The following KIAA0232 variants were observed in gnomAD, a reference collection of about 807,000 sequenced individuals.
KIAA0232 encodes the protein uncharacterized protein KIAA0232.
In KIAA0232, 27 loss-of-function variants were observed where a neutral mutation model predicts 122.0. The observed-to-expected ratio is 0.22, with a 90% CI of 0.16 to 0.31. The LOEUF (loss-of-function observed/expected upper bound fraction) is 0.31, where lower values mean the gene tolerates loss of function less well. KIAA0232 is among the 10% of genes least tolerant of loss of function. KIAA0232 has a pLI of 1.00. For missense variants in KIAA0232, 1,551 were observed against 1,634.2 expected (o/e 0.95, Z 0.88); for synonymous variants, 613 against 587.6 (o/e 1.04, Z -0.63).
chr4:6,811,838 A>T (rs974645913), intron 2 of KIAA0232, among the ~76,000 whole-genome samples: 1 of 129,734 alleles, frequency 7.7e-6, no homozygotes, highest in African/African-American at 3.0e-5. Context: ...AATCTACCCT[A>T]TTTTAACCTT....
chr4:6,786,018 G>A (rs1716604644), intron 1 of KIAA0232, among the ~76,000 whole-genome samples: 2 of 152,098 alleles, frequency 1.3e-5, no homozygotes, highest in African/African-American at 4.8e-5. Flanking sequence ...CTATTACAAT[G>A]AATTATTCCT....
rs1722164384 is a variant in KIAA0232, at chr4:6,883,121, G to C, written c.*2155G>C. 1 of 152,694 alleles carries C rather than the reference G, an allele frequency of 6.5e-6. No homozygotes were observed. The highest frequency in any genetic ancestry group is 2.4e-5 in the African/African-American group (1 of 41,474). 9.5% of individuals were successfully genotyped at this position (152,694 alleles called of 1,614,324 possible). ...GGCTTTCAGCAACAGAGATGAAAGT[G>C]TGGCTTTTTAGTTTTGTGAATGGAT... On this transcript the variant is annotated 3_prime_UTR_variant, in exon 10 of 10. Coordinates refer to ENST00000307659, the MANE Select transcript of KIAA0232 (RefSeq NM_014743.3).
At position 6,882,981 on chromosome 4, in the gene KIAA0232, A is replaced by G. The variant is rs528982301; in HGVS notation, c.*2015A>G. On this transcript the variant is annotated 3_prime_UTR_variant, in exon 10 of 10. Coordinates refer to ENST00000307659, the MANE Select transcript of KIAA0232 (RefSeq NM_014743.3). ...GGCAAAGGTGCACACTTCCTCAGAC[A>G]CAGGTGAGAAGATGCAGCACCTTCC... The G allele has an allele frequency of 6.6e-6, 1 of 152,552 alleles. No individual in the cohort carries two copies. The highest frequency in any genetic ancestry group is 1.9e-4 in the East Asian group (1 of 5,188). The allele number at this position is 152,552 out of a possible 1,614,324, so 9.4% of individuals were successfully genotyped here. A position where few individuals can be genotyped will look rare whatever the true frequency, so the allele number is the denominator to read the frequency against.
At chr4:6,849,996 G>A (rs2108763474) in intron 4 of KIAA0232, among the ~76,000 whole-genome samples, 1 of 152,238 alleles carries the variant, frequency 6.6e-6, no homozygotes, top group African/African-American at 2.4e-5. Flanking sequence ...TGTTAATCTA[G>A]CCCAGATCTT....
chr4:6,828,134 C>T (rs1718787756), intron 3 of KIAA0232, among the ~76,000 whole-genome samples: 1 of 152,140 alleles, frequency 6.6e-6, no homozygotes, highest in Non-Finnish European at 1.5e-5. Context: ...TAGGTTATAA[C>T]ATCCTTATGG....
intron 9 of KIAA0232, among the ~76,000 whole-genome samples, chr4:6,877,645 G>A (rs1302104496): frequency 1.3e-5 from 2 of 152,118 alleles, no homozygotes; most frequent in African/African-American, 4.8e-5. Context: ...ATCCAGCATG[G>A]GAGAAGATGT....
At chr4:6,878,236 G>A (rs941691736) in intron 9 of KIAA0232, among the ~76,000 whole-genome samples, 1 of 152,080 alleles carries the variant, frequency 6.6e-6, no homozygotes, top group Non-Finnish European at 1.5e-5. Context: ...TTAGCCGGGC[G>A]TGATGGTGCA....
At chr4:6,859,502 A>G (rs1720747411) in intron 6 of KIAA0232, among the ~76,000 whole-genome samples, 1 of 152,238 alleles carries the variant, frequency 6.6e-6, no homozygotes, top group Non-Finnish European at 1.5e-5. Flanking sequence ...TATATAAAAA[A>G]AAGTAAAGTA....
chr4:6,828,643 A>G (rs1028502901), intron 3 of KIAA0232, among the ~76,000 whole-genome samples: 7 of 152,174 alleles, frequency 4.6e-5, no homozygotes, highest in Non-Finnish European at 8.8e-5. Context: ...AAATAGTCCA[A>G]TTCTTTTCTC....
Position 6,857,158 on chromosome 4 carries a change from A to G in KIAA0232, c.370-6A>G. The G allele has an allele frequency of 1.9e-6, 3 of 1,602,038 alleles. No individual in the cohort carries two copies. Among genetic ancestry groups the G allele is most frequent in the Non-Finnish European group, 2.6e-6 (3 of 1,174,224 alleles). Reference sequence around the variant, plus strand: ...TAACCTAATGTGTCTTTTTGTTGTCATGCAGAGCTCTGGTATCGAGACTTT... The same window carrying G: ...TAACCTAATGTGTCTTTTTGTTGTCGTGCAGAGCTCTGGTATCGAGACTTT... On this transcript the variant is annotated splice_region_variant and splice_polypyrimidine_tract_variant and intron_variant, in intron 4 of 9. Coordinates refer to ENST00000307659, the MANE Select transcript of KIAA0232 (RefSeq NM_014743.3).
intron 3 of KIAA0232, among the ~76,000 whole-genome samples, chr4:6,832,926 A>T (rs1719069424): frequency 6.6e-6 from 1 of 152,198 alleles, no homozygotes; most frequent in South Asian, 2.1e-4. Flanking sequence ...CCTTCTAGAA[A>T]TGTAACTGGA....
intron 1 of KIAA0232, among the ~76,000 whole-genome samples, chr4:6,797,790 G>T (rs1026261565): frequency 4.2e-4 from 60 of 143,478 alleles, no homozygotes; most frequent in South Asian, 8.8e-4. Context: ...AAAAAAAAAA[G>T]GCCGGGCGCG....
At chr4:6,783,257 C>T (rs971227520) in intron 1 of KIAA0232, among the ~76,000 whole-genome samples, 3 of 152,206 alleles carry the variant, frequency 2.0e-5, no homozygotes, top group South Asian at 2.1e-4. Context: ...GCTGTGGGCC[C>T]TGGGACCCCC....
chr4:6,854,503 A>C (rs982449384), intron 4 of KIAA0232, among the ~76,000 whole-genome samples: 2 of 152,252 alleles, frequency 1.3e-5, no homozygotes, highest in South Asian at 2.1e-4. Context: ...TGAATGAGCC[A>C]GTGCATGGTA....
intron 7 of KIAA0232, among the ~76,000 whole-genome samples, chr4:6,865,290 ATTTTGT>A (rs759296254): frequency 1.2e-3 from 176 of 152,180 alleles, no homozygotes; most frequent in Non-Finnish European, 2.0e-3. Flanking sequence ...AGTTTATTTA[ATTTTGT>A]TTTTGTTTTT....
At position 6,863,154 on chromosome 4, in the gene KIAA0232, A is replaced by G. The variant is rs755790279; in HGVS notation, c.2772A>G (p.Lys924=). Residue 924 remains lysine (K), a synonymous_variant, in exon 7 of 10, where the codon AAA becomes AAG. Coordinates refer to ENST00000307659, the MANE Select transcript of KIAA0232 (RefSeq NM_014743.3). The part of the protein sequence containing the change: ...PSKPWDVAQD[K]ENTFILGGVY... ...AACCCTGGGATGTAGCCCAAGATAA[A>G]GAAAACACATTCATTCTTGGAGGAG... The G allele has an allele frequency of 7.4e-6, 12 of 1,614,098 alleles. No individual in the cohort carries two copies. The highest frequency in any genetic ancestry group is 8.5e-6 in the Non-Finnish European group (10 of 1,180,042).
chr4:6,861,203 A>C lies in KIAA0232; in HGVS notation c.821A>C (p.Gln274Pro). ...IEEKPALYKKQIRHKPEGKIR... is the reference protein window; with the variant it reads ...IEEKPALYKKPIRHKPEGKIR... Reference sequence around the variant, plus strand: ...GAAAAGCCTGCTTTGTACAAAAAGCAAATCCGACATAAACCTGAAGGAAAG... The same window carrying C: ...GAAAAGCCTGCTTTGTACAAAAAGCCAATCCGACATAAACCTGAAGGAAAG... The change falls in exon 7 of 10, where the codon CAA becomes CCA. Residue 274 changes from glutamine to proline, a missense_variant. Gln to Pro is a moderately conservative substitution (Grantham distance 76). Transcript: ENST00000307659. 2 of 1,614,200 alleles carry C rather than the reference A, an allele frequency of 1.2e-6. No individual in the cohort carries two copies. Among genetic ancestry groups the C allele is most frequent in the Non-Finnish European group, 1.7e-6 (2 of 1,180,050 alleles).
intron 1 of KIAA0232, among the ~76,000 whole-genome samples, chr4:6,786,700 C>G (rs979424092): frequency 3.3e-5 from 5 of 152,164 alleles, no homozygotes; most frequent in African/African-American, 1.2e-4. Context: ...TAGAATATTT[C>G]TTTACAGTTA....
At chr4:6,820,233 G>A (rs894983224) in intron 2 of KIAA0232, among the ~76,000 whole-genome samples, 3 of 152,014 alleles carry the variant, frequency 2.0e-5, no homozygotes, top group African/African-American at 4.8e-5. Flanking sequence ...ACTTGCACAC[G>A]TACCCCCTGA....
Sources: gnomAD v4.1 joint callset for allele counts (sites outside exome capture counted in the v4.1 genomes callset) on GRCh38, gnomAD v4.1.1 for gene constraint, MANE v1.5 for transcripts, NCBI Gene and HGNC (gene_info 2026-07-23, HGNC 2026-07-21) for gene names.